Variants in DNAH7 observed in about 807,000 individuals in gnomAD.
DNAH7 encodes axonemal beta dynein heavy chain 7.
A neutral mutation model predicts 444.6 loss-of-function variants in DNAH7; 397 were observed. That is an observed-to-expected ratio of 0.89 (90% CI 0.82 to 0.97). The LOEUF (loss-of-function observed/expected upper bound fraction) is 0.97, where lower values mean the gene tolerates loss of function less well. Among genes scored for constraint, DNAH7 ranks in the 50% least tolerant of loss-of-function variants. DNAH7 has a pLI of 0.00. For synonymous variants in DNAH7, 1,636 were observed against 1,624.4 expected (o/e 1.01, Z -0.17); for missense variants, 4,902 against 4,800.8 (o/e 1.02, Z -0.62).
intron 57 of DNAH7, among the ~76,000 whole-genome samples, chr2:195,787,974 T>C (rs957387890): frequency 2.0e-5 from 3 of 152,172 alleles, no homozygotes; most frequent in South Asian, 2.1e-4. Context: ...TAAGAGCCTG[T>C]ATGAAGGGAG....
At chr2:195,780,575 C>G (rs1363336884) in intron 58 of DNAH7, among the ~76,000 whole-genome samples, 2 of 151,836 alleles carry the variant, frequency 1.3e-5, no homozygotes, top group African/African-American at 4.8e-5. Flanking sequence ...ATGGTGAAAC[C>G]CCATCTCTAC....
At chr2:195,785,347 T>G (rs894229564) in intron 58 of DNAH7, among the ~76,000 whole-genome samples, 5 of 152,144 alleles carry the variant, frequency 3.3e-5, no homozygotes, top group Non-Finnish European at 5.9e-5. Context: ...GTGTGTGTGT[T>G]TTTAATTTAA....
At chr2:195,773,032 C>T (rs770268240) in intron 60 of DNAH7, among the ~76,000 whole-genome samples, 3 of 152,166 alleles carry the variant, frequency 2.0e-5, no homozygotes, top group African/African-American at 7.2e-5. Flanking sequence ...CCGCCTGCCT[C>T]GGCCTCCCAA....
At chr2:196,041,241 C>A (rs919895188) in intron 5 of DNAH7, among the ~76,000 whole-genome samples, 3 of 151,852 alleles carry the variant, frequency 2.0e-5, no homozygotes, top group Non-Finnish European at 4.4e-5. Flanking sequence ...CCCCAAATAG[C>A]CCTAATCCTT....
chr2:195,993,360 C>G (rs188329545), intron 12 of DNAH7, among the ~76,000 whole-genome samples: 49 of 152,170 alleles, frequency 3.2e-4, no homozygotes, highest in African/African-American at 1.1e-3. Context: ...AAATTTCCTT[C>G]AAAGTAAGCA....
At chr2:195,766,682 A>C (rs1017259793) in intron 61 of DNAH7, among the ~76,000 whole-genome samples, 3 of 152,168 alleles carry the variant, frequency 2.0e-5, no homozygotes, top group African/African-American at 7.2e-5. Flanking sequence ...AATAACTAAA[A>C]GAGAATAATT....
chr2:195,745,564 A>G (rs1470109566), intron 63 of DNAH7, among the ~76,000 whole-genome samples: 1 of 152,208 alleles, frequency 6.6e-6, no homozygotes, highest in East Asian at 1.9e-4. Context: ...CAGATTCACC[A>G]AAGTGGAAAT....
chr2:195,994,369 G>GT, intron 12 of DNAH7: 1 of 713,480 alleles, frequency 1.4e-6, no homozygotes, highest in South Asian at 1.5e-5. Context: ...AGGGGAGGCA[G>GT]TAAGTTTACA....
chr2:195,976,039 G>A (rs1346563392), intron 15 of DNAH7, among the ~76,000 whole-genome samples: 1 of 152,164 alleles, frequency 6.6e-6, no homozygotes, highest in African/African-American at 2.4e-5. Flanking sequence ...AAAGCAGAGG[G>A]AAGAGTAAAG....
chr2:196,031,982 G>A (rs543254032), intron 5 of DNAH7, among the ~76,000 whole-genome samples: 33 of 152,102 alleles, frequency 2.2e-4, no homozygotes, highest in African/African-American at 6.8e-4. Context: ...CCAATTTACC[G>A]TATTAGTCCA....
At chr2:195,804,630 C>T (rs1696623239) in intron 54 of DNAH7, among the ~76,000 whole-genome samples, 1 of 152,214 alleles carries the variant, frequency 6.6e-6, no homozygotes, top group African/African-American at 2.4e-5. Flanking sequence ...GCTTATAGTG[C>T]TTAAATAGCA....
chr2:195,756,331 T>C (rs1211831781), intron 61 of DNAH7, 46 bp from the exon 62 acceptor site: 3 of 1,481,340 alleles, frequency 2.0e-6, no homozygotes, highest in Admixed American at 2.1e-5. Context: ...TAGATTATGA[T>C]AGATTATAAG....
intron 2 of DNAH7, among the ~76,000 whole-genome samples, chr2:196,056,579 A>C (rs898731113): frequency 6.6e-6 from 1 of 152,140 alleles, no homozygotes; most frequent in Non-Finnish European, 1.5e-5. Context: ...TCTTTCACCA[A>C]TACAGGATGA....
chr2:196,011,151 G>A (rs908624870), intron 10 of DNAH7, among the ~76,000 whole-genome samples: 1 of 152,134 alleles, frequency 6.6e-6, no homozygotes, highest in Non-Finnish European at 1.5e-5. Context: ...AGCTAGAAGA[G>A]AAGATTTGGA....
At chr2:195,776,237 A>G (rs539464824) in intron 59 of DNAH7, among the ~76,000 whole-genome samples, 1 of 152,240 alleles carries the variant, frequency 6.6e-6, no homozygotes, top group South Asian at 2.1e-4. Flanking sequence ...TGAGGTCGGG[A>G]GTTTGAGACC....
chr2:195,972,438 T>C lies in DNAH7; in HGVS notation c.1862A>G (p.Asp621Gly). The C allele has an allele frequency of 6.2e-6, 10 of 1,614,094 alleles. No individual in the cohort carries two copies. Among genetic ancestry groups the C allele is most frequent in the Non-Finnish European group, 8.5e-6 (10 of 1,179,970 alleles). Residue 621 changes from aspartate (D) to glycine (G), a missense_variant, in exon 16 of 65, where the codon GAT (aspartate) becomes GGT (glycine). Physicochemically the swap from Asp to Gly is moderately conservative, Grantham distance 94. Transcript: ENST00000312428. ...TAATCTCTGTTCTAGTTCAATCATA[T>C]CAGTTACCTCCACTTTCTGAATGTA... ...KAYIQKVEVT[D>G]MIELEQRLVD...
chr2:196,047,989 A>C (rs1050314646), intron 4 of DNAH7, among the ~76,000 whole-genome samples: 1 of 152,272 alleles, frequency 6.6e-6, no homozygotes, highest in African/African-American at 2.4e-5. Flanking sequence ...AATATAATTT[A>C]TTAAAATCTC....
In DNAH7 at chr2:195,910,207, G is replaced by C; in HGVS notation, c.3936-12C>G. 1 of 1,573,790 alleles carries C rather than the reference G, an allele frequency of 6.4e-7. No individual in the cohort carries two copies. The highest frequency in any genetic ancestry group is 8.6e-7 in the Non-Finnish European group (1 of 1,160,698). On this transcript the variant is annotated splice_polypyrimidine_tract_variant and intron_variant, in intron 24 of 64. Transcript: ENST00000312428. ...CTCCAAATAAGGTTCTGAAACATAT[G>C]AAATAGACATTCTTTGTAGAATAAT...
intron 46 of DNAH7, among the ~76,000 whole-genome samples, chr2:195,846,078 AC>A (rs1372714660): frequency 6.6e-6 from 1 of 152,242 alleles, no homozygotes; most frequent in Non-Finnish European, 1.5e-5. Context: ...GACAACCTAC[AC>A]AATGGGGAGA....
Sources: gnomAD v4.1 joint callset for allele counts (sites outside exome capture counted in the v4.1 genomes callset) on GRCh38, gnomAD v4.1.1 for gene constraint, MANE v1.5 for transcripts, NCBI Gene and HGNC (gene_info 2026-07-23, HGNC 2026-07-21) for gene names.